AK7: variants seen among roughly 807,000 people sequenced by gnomAD.
The protein encoded by AK7 is ATP-AMP transphosphorylase 7.
Under a neutral mutation model 96.6 loss-of-function variants are expected in AK7, and 78 were observed. That is an observed-to-expected ratio of 0.81 (90% CI 0.67 to 0.97). AK7 has a LOEUF of 0.97. Ranked by LOEUF, AK7 falls within the 50% of genes least tolerant of loss-of-function variation. AK7 has a pLI of 0.00. For missense variants in AK7, 855 were observed against 887.9 expected (o/e 0.96, Z 0.47); for synonymous variants, 302 against 317.2 (o/e 0.95, Z 0.51).
intron 16 of AK7, among the ~76,000 whole-genome samples, chr14:96,486,425 G>A (rs1403838364): frequency 1.3e-5 from 2 of 152,194 alleles, no homozygotes; most frequent in African/African-American, 4.8e-5. Context: ...AACCAATTTT[G>A]ATGTTGTGCT....
intron 13 of AK7, among the ~76,000 whole-genome samples, chr14:96,472,303 A>T (rs1168719452): frequency 6.6e-6 from 1 of 152,174 alleles, no homozygotes; most frequent in African/African-American, 2.4e-5. Flanking sequence ...CTGGGACTAC[A>T]GGCGTGCATG....
At chr14:96,479,172 G>T (rs1185094832) in intron 15 of AK7, among the ~76,000 whole-genome samples, 1 of 151,946 alleles carries the variant, frequency 6.6e-6, no homozygotes, top group Non-Finnish European at 1.5e-5. Flanking sequence ...CGCCTCCCGG[G>T]TTCACGCCAT....
chr14:96,467,586 C>A (rs758801513), intron 12 of AK7, among the ~76,000 whole-genome samples: 1 of 152,092 alleles, frequency 6.6e-6, no homozygotes, highest in Non-Finnish European at 1.5e-5. Flanking sequence ...GCAATCCACC[C>A]GCCTCGGCCT....
intron 5 of AK7, among the ~76,000 whole-genome samples, chr14:96,432,249 C>T (rs1280749778): frequency 2.1e-5 from 3 of 141,864 alleles, no homozygotes; most frequent in Non-Finnish European, 4.6e-5. Flanking sequence ...GTAGATCTTC[C>T]TCCAGCCGTT....
At chr14:96,459,910 A>T (rs560600174) in intron 12 of AK7, among the ~76,000 whole-genome samples, 1 of 152,298 alleles carries the variant, frequency 6.6e-6, no homozygotes, top group Admixed American at 6.5e-5. Context: ...AAATGGATTA[A>T]TGAAATGGGC....
intron 14 of AK7, among the ~76,000 whole-genome samples, chr14:96,477,819 A>G (rs538813503): frequency 9.4e-4 from 143 of 152,286 alleles, no homozygotes; most frequent in Non-Finnish European, 1.6e-3. Flanking sequence ...AATTTGGCAA[A>G]CTGGCCATCA....
chr14:96,423,687 C>T (rs1419972722), intron 5 of AK7: 4 of 671,318 alleles, frequency 6.0e-6, no homozygotes, highest in Non-Finnish European at 1.1e-5. Flanking sequence ...GGTCGCCGAG[C>T]TGCCCCCTAC....
intron 5 of AK7, among the ~76,000 whole-genome samples, chr14:96,433,111 T>G (rs1369095697): frequency 6.6e-6 from 1 of 152,226 alleles, no homozygotes; most frequent in Non-Finnish European, 1.5e-5. Flanking sequence ...CATTTTTTCC[T>G]TCATTTCAAT....
intron 9 of AK7, among the ~76,000 whole-genome samples, chr14:96,450,598 T>G (rs899336599): frequency 6.6e-6 from 1 of 151,276 alleles, no homozygotes; most frequent in Non-Finnish European, 1.5e-5. Flanking sequence ...TTTTTTGCAG[T>G]GTGCTTTTCA....
intron 9 of AK7, 108 bp downstream of exon 9, chr14:96,449,987 G>C: frequency 1.2e-6 from 1 of 830,606 alleles, no homozygotes; most frequent in South Asian, 1.8e-5. Context: ...ATTGATCTGT[G>C]AGGGATTTGG....
chr14:96,393,096 T>G (rs1225298801), intron 1 of AK7, among the ~76,000 whole-genome samples: 1 of 152,314 alleles, frequency 6.6e-6, no homozygotes, highest in Admixed American at 6.5e-5. Context: ...TTTCCTCACC[T>G]TTCTGTGTCT....
intron 2 of AK7, among the ~76,000 whole-genome samples, chr14:96,402,860 T>C (rs945224796): frequency 6.6e-5 from 10 of 152,016 alleles, no homozygotes; most frequent in South Asian, 2.1e-4. Flanking sequence ...CCAGGCGCAG[T>C]AGCTCACGCC....
At chr14:96,439,395 C>T (rs1026340483) in intron 6 of AK7, among the ~76,000 whole-genome samples, 5 of 151,864 alleles carry the variant, frequency 3.3e-5, no homozygotes, top group Admixed American at 6.6e-5. Context: ...TATTTTTGGC[C>T]GACTCACGCC....
intron 10 of AK7, among the ~76,000 whole-genome samples, chr14:96,453,212 C>T (rs901396299): frequency 6.6e-6 from 1 of 152,198 alleles, no homozygotes; most frequent in Non-Finnish European, 1.5e-5. Context: ...GGTGGCTGTA[C>T]TGGGAGGTTA....
intron 6 of AK7, among the ~76,000 whole-genome samples, chr14:96,442,457 C>T (rs1361030753): frequency 1.3e-5 from 2 of 152,142 alleles, no homozygotes. Context: ...CAGGGCTACA[C>T]ATTATTTCTC....
Position 96,446,566 on chromosome 14 carries a change from G to T in AK7, c.829G>T (p.Ala277Ser), listed in dbSNP as rs1243484085. 2 of 1,614,148 alleles carry T rather than the reference G, an allele frequency of 1.2e-6. No homozygotes were observed. The highest frequency in any genetic ancestry group is 2.2e-5 in the South Asian group (2 of 91,082). Residue 277 changes from alanine (A) to serine (S), a missense_variant, in exon 8 of 18, where the codon GCT becomes TCT. By Grantham distance (99) the Ala-to-Ser change is moderately conservative. Transcript: ENST00000267584. ...CGTGCCAAAGCCTCACTACCTGGTTGCTGTGGATGAGTCTGTTCATACCCT... is the reference window on the plus strand; with the variant it reads ...CGTGCCAAAGCCTCACTACCTGGTTTCTGTGGATGAGTCTGTTCATACCCT... ...DHVPKPHYLV[A>S]VDESVHTLED...
At chr14:96,482,950 G>T (rs779456806) in intron 15 of AK7, 49 bp from the exon 16 acceptor site, 2 of 1,572,068 alleles carry the variant, frequency 1.3e-6, no homozygotes, top group Admixed American at 3.5e-5. Flanking sequence ...CCAATTGCAG[G>T]CAGGCCTAGA....
chr14:96,476,381 T>C (rs538580019), intron 14 of AK7, among the ~76,000 whole-genome samples: 1 of 151,944 alleles, frequency 6.6e-6, no homozygotes, highest in African/African-American at 2.4e-5. Context: ...GGTGCACGCC[T>C]ATAATCCCAG....
At chr14:96,451,879 G>A (rs111799249) in intron 10 of AK7, among the ~76,000 whole-genome samples, 4 of 152,104 alleles carry the variant, frequency 2.6e-5, no homozygotes, top group Admixed American at 2.6e-4. Context: ...AATAATGTAC[G>A]CAAATTGCAC....
Sources: gnomAD v4.1 joint callset for allele counts (sites outside exome capture counted in the v4.1 genomes callset) on GRCh38, gnomAD v4.1.1 for gene constraint, MANE v1.5 for transcripts, NCBI Gene and HGNC (gene_info 2026-07-23, HGNC 2026-07-21) for gene names.